MRGBP: variants seen among roughly 807,000 people sequenced by gnomAD.
MRGBP encodes MRG/MORF4L-binding protein.
In MRGBP, 5 loss-of-function variants were observed where a neutral mutation model predicts 21.5. That is an observed-to-expected ratio of 0.23 (90% CI 0.12 to 0.49). The LOEUF is 0.49. Ranked by LOEUF, MRGBP falls within the 20% of genes least tolerant of loss-of-function variation. The pLI, the probability that MRGBP is intolerant of heterozygous loss-of-function variation, is 0.98. For synonymous variants in MRGBP, 118 were observed against 104.4 expected, an observed-to-expected ratio of 1.13 and a Z score of -0.79; for missense variants, 227 against 277.4, an observed-to-expected ratio of 0.82 and a Z score of 1.29.
Position 62,800,413 on chromosome 20 carries a change from T to C in MRGBP, c.*770T>C, listed in dbSNP as rs2147176638. ...AGAGATACTTTTTGCTCAGTTTTTA[T>C]ATGCCAGATACAGAGAATTTGTAGC... On this transcript the variant is annotated 3_prime_UTR_variant, in exon 5 of 5. Coordinates refer to ENST00000370487, the MANE Select transcript of MRGBP (RefSeq NM_018270.6). 6.5e-6 allele frequency: 1 copy of C among 152,686 alleles called. No individual in the cohort carries two copies. Among genetic ancestry groups the C allele is most frequent in the East Asian group, 1.9e-4 (1 of 5,196 alleles). The allele number at this position is 152,686 out of a possible 1,614,324, so 9.5% of individuals were successfully genotyped here. A position where few individuals can be genotyped will look rare whatever the true frequency, so the allele number is the denominator to read the frequency against.
chr20:62,798,735 T>C, intron 3 of MRGBP, 67 bp downstream of exon 3: 1 of 1,592,704 alleles, frequency 6.3e-7, no homozygotes, highest in Non-Finnish European at 8.6e-7. Flanking sequence ...GGCAGGGAGG[T>C]GAGGGTGAGG....
Position 62,799,269 on chromosome 20 carries a change from G to A in MRGBP, c.428-187G>A, listed in dbSNP as rs567503114. ...CTGAGCGGCGGTCCCTGCAGTGCCC[G>A]CCGCAGGCAGGTCCTCAGGAGGACC... is the stretch of plus-strand genomic sequence containing the variant. On this transcript the variant is annotated intron_variant, in intron 4 of 4. Coordinates refer to ENST00000370487, the MANE Select transcript of MRGBP (RefSeq NM_018270.6). Among the ~76,000 whole-genome samples, 10 of 152,282 alleles carry A rather than the reference G, an allele frequency of 6.6e-5. No individual in the cohort carries two copies. The East Asian group carries it at 1.4e-3, about 21-fold the overall frequency.
At chr20:62,797,267 G>A in intron 2 of MRGBP, 36 bp downstream of exon 2, 2 of 1,519,224 alleles carry the variant, frequency 1.3e-6, no homozygotes, top group African/African-American at 1.4e-5. Flanking sequence ...CGCCCGATGG[G>A]GGCACGAACC....
In MRGBP at chr20:62,800,707, C is replaced by T. The variant is rs41308098; in HGVS notation, c.*1064C>T. The T allele has an allele frequency of 6.6e-6, 1 of 152,226 alleles. No homozygotes were observed. Among genetic ancestry groups the T allele is most frequent in the Non-Finnish European group, 1.5e-5 (1 of 68,046 alleles). 9.4% of individuals were successfully genotyped at this position (152,226 alleles called of 1,614,324 possible). A position where few individuals can be genotyped will look rare whatever the true frequency, so the allele number is the denominator to read the frequency against. On this transcript the variant is annotated 3_prime_UTR_variant, in exon 5 of 5. Coordinates refer to ENST00000370487, the MANE Select transcript of MRGBP (RefSeq NM_018270.6). ...TACACTTAGATGACTTATTAACATTCACTTGATACAACATATAAACAAAAT... is the reference window on the plus strand; with the variant it reads ...TACACTTAGATGACTTATTAACATTTACTTGATACAACATATAAACAAAAT...
Position 62,796,618 on chromosome 20 carries a change from GC to G in MRGBP, c.99del (p.Glu34ArgfsTer18). On this transcript the variant is annotated frameshift_variant, in exon 1 of 5. Transcript: ENST00000370487. LOFTEE classifies it high-confidence loss of function. ...CCGGCGGAGGAGACAGTGGTGTGGA[GC>G]CCCGAGGTGGAGGTGTGCCTCTTCC... is the stretch of plus-strand genomic sequence containing the variant. ...TSPAEETVVW[S>X]PEVEVCLFHA... The G allele has an allele frequency of 7.5e-7, 1 of 1,331,616 alleles. No individual in the cohort carries two copies. The highest frequency in any genetic ancestry group is 9.6e-7 in the Non-Finnish European group (1 of 1,037,858). 82.5% of individuals were successfully genotyped at this position (1,331,616 alleles called of 1,614,324 possible).
rs1325817564 is a variant in MRGBP, at chr20:62,800,753, T to G, written c.*1110T>G. 6.6e-6 allele frequency: 1 copy of G among 152,270 alleles called. No individual in the cohort carries two copies. The highest frequency in any genetic ancestry group is 6.5e-5 in the Admixed American group (1 of 15,290). 9.4% of individuals were successfully genotyped at this position (152,270 alleles called of 1,614,324 possible). On this transcript the variant is annotated 3_prime_UTR_variant, in exon 5 of 5. Coordinates refer to ENST00000370487, the MANE Select transcript of MRGBP (RefSeq NM_018270.6). ...AAAATAGTAACAGATTCTGAGTGGT[T>G]ATTTTGTGGACTGTGACAAGCACTT...
chr20:62,801,046 C>T lies in MRGBP; in HGVS notation c.*1403C>T, dbSNP rs1301763272. ...ATCCCTGGCCATCTGTCCCTGAAGTCCTCCTCACCATGACGCAGATCACAA... is the reference window on the plus strand; with the variant it reads ...ATCCCTGGCCATCTGTCCCTGAAGTTCTCCTCACCATGACGCAGATCACAA... On this transcript the variant is annotated 3_prime_UTR_variant, in exon 5 of 5. Coordinates refer to ENST00000370487, the MANE Select transcript of MRGBP (RefSeq NM_018270.6). 1.3e-5 allele frequency: 2 copies of T among 152,292 alleles called. No individual in the cohort carries two copies. The highest frequency in any genetic ancestry group is 4.8e-5 in the African/African-American group (2 of 41,444). 9.4% of individuals were successfully genotyped at this position (152,292 alleles called of 1,614,324 possible).
chr20:62,799,081 C>T lies in MRGBP; in HGVS notation c.427+32C>T, dbSNP rs1434146924. 5 of 1,587,130 alleles carry T rather than the reference C, an allele frequency of 3.2e-6. No homozygotes were observed. The Admixed American group carries it at 7.3e-5, about 23-fold the overall frequency. On this transcript the variant is annotated intron_variant, in intron 4 of 4. Transcript: ENST00000370487. ...GTGGAGCTCACCCTGCCCTGATGCC[C>T]TTTGGGGCTCAGCACCCCAAGACTG...
At chr20:62,799,334 C>G in intron 4 of MRGBP, 122 bp from the exon 5 acceptor site, 1 of 1,145,324 alleles carries the variant, frequency 8.7e-7, no homozygotes, top group Non-Finnish European at 1.2e-6. Context: ...GCTCCCAGCT[C>G]AGGAGGAAGC....
At chr20:62,796,838 C>G (rs1359665924) in intron 1 of MRGBP, among the ~76,000 whole-genome samples, 167 bp downstream of exon 1, 2 of 125,406 alleles carry the variant, frequency 1.6e-5, no homozygotes, top group African/African-American at 5.9e-5. Context: ...ACGCGCCCTT[C>G]GGACCCCGCC....
rs554320509 is a variant in MRGBP, at chr20:62,799,447, G to C, written c.428-9G>C. ...TCTGTTTTCAGCCAAGTGATTTTTC[G>C]TTTCTCAGTTTTTTCATCTTCAGGG... On this transcript the variant is annotated splice_polypyrimidine_tract_variant and intron_variant, in intron 4 of 4. Coordinates refer to ENST00000370487, the MANE Select transcript of MRGBP (RefSeq NM_018270.6). The C allele has an allele frequency of 1.3e-6, 2 of 1,599,472 alleles. No homozygotes were observed. The highest frequency in any genetic ancestry group is 2.2e-5 in the South Asian group (2 of 89,602).
intron 1 of MRGBP, 27 bp from the exon 2 acceptor site, chr20:62,797,083 T>G: frequency 1.4e-6 from 2 of 1,480,482 alleles, no homozygotes; most frequent in Non-Finnish European, 1.8e-6. Context: ...CGCTCACCGG[T>G]TATCCCGCCG....
chr20:62,799,403 A>G, intron 4 of MRGBP, 53 bp from the exon 5 acceptor site: 1 of 1,567,468 alleles, frequency 6.4e-7, no homozygotes, highest in East Asian at 2.3e-5. Context: ...CAGGAAGACA[A>G]AAATAAGATT....
At chr20:62,796,756 C>T in intron 1 of MRGBP, 85 bp downstream of exon 1, 3 of 1,134,496 alleles carry the variant, frequency 2.6e-6, no homozygotes, top group Non-Finnish European at 1.1e-6. Context: ...GACACCCTCG[C>T]CCCCACGCTC....
chr20:62,798,676 T>C lies in MRGBP; in HGVS notation c.352+8T>C. 1.2e-6 allele frequency: 2 copies of C among 1,613,318 alleles called. No individual in the cohort carries two copies. Among genetic ancestry groups the C allele is most frequent in the Non-Finnish European group, 1.7e-6 (2 of 1,179,634 alleles). On this transcript the variant is annotated splice_region_variant and intron_variant, in intron 3 of 4. Coordinates refer to ENST00000370487, the MANE Select transcript of MRGBP (RefSeq NM_018270.6). ...TTCAGGAGGTCCGAGAAGGTGAGGCTCGGGAAAGGTTGGGCTTGGGATTCA... is the reference window on the plus strand; with the variant it reads ...TTCAGGAGGTCCGAGAAGGTGAGGCCCGGGAAAGGTTGGGCTTGGGATTCA...
chr20:62,800,718 A>C lies in MRGBP; in HGVS notation c.*1075A>C, dbSNP rs1488979066. ...GACTTATTAACATTCACTTGATACA[A>C]CATATAAACAAAATAGTAACAGATT... On this transcript the variant is annotated 3_prime_UTR_variant, in exon 5 of 5. Coordinates refer to ENST00000370487, the MANE Select transcript of MRGBP (RefSeq NM_018270.6). The C allele has an allele frequency of 6.6e-6, 1 of 152,266 alleles. No individual in the cohort carries two copies. The highest frequency in any genetic ancestry group is 1.9e-4 in the East Asian group (1 of 5,208). The allele number at this position is 152,266 out of a possible 1,614,324, so 9.4% of individuals were successfully genotyped here. A position where few individuals can be genotyped will look rare whatever the true frequency, so the allele number is the denominator to read the frequency against.
chr20:62,796,681 C>A lies in MRGBP; in HGVS notation c.148+10C>A. The A allele has an allele frequency of 7.7e-7, 1 of 1,293,752 alleles. No individual in the cohort carries two copies. Among genetic ancestry groups the A allele is most frequent in the Non-Finnish European group, 9.8e-7 (1 of 1,017,708 alleles). 80.1% of individuals were successfully genotyped at this position (1,293,752 alleles called of 1,614,324 possible). A position where few individuals can be genotyped will look rare whatever the true frequency, so the allele number is the denominator to read the frequency against. ...GGCCACAAGCCCGTCGGTGAGCGCC[C>A]AGGCTGCGGACGCGCGTGGGGGCGG... On this transcript the variant is annotated intron_variant, in intron 1 of 4. Coordinates refer to ENST00000370487, the MANE Select transcript of MRGBP (RefSeq NM_018270.6).
chr20:62,798,937 C>A, intron 3 of MRGBP, 38 bp from the exon 4 acceptor site: 1 of 1,612,662 alleles, frequency 6.2e-7, no homozygotes, highest in Non-Finnish European at 8.5e-7. Context: ...CGGCCACCAC[C>A]GTGGGTTTTC....
At position 62,796,541 on chromosome 20, in the gene MRGBP, G is replaced by T; in HGVS notation, c.18G>T (p.Val6=). The change falls in exon 1 of 5, where the codon GTG becomes GTT. Residue 6 remains valine (V), a synonymous_variant. Transcript: ENST00000370487. ...CCGCGGCCATGGGAGAGGCCGAGGT[G>T]GGCGGCGGGGGCGCCGCAGGCGACA... The part of the protein sequence containing the change: MGEAE[V]GGGGAAGDKG... The T allele has an allele frequency of 2.5e-6, 3 of 1,187,098 alleles. No homozygotes were observed. Among genetic ancestry groups the T allele is most frequent in the East Asian group, 3.9e-5 (1 of 25,826 alleles). The allele number at this position is 1,187,098 out of a possible 1,614,324, so 73.5% of individuals were successfully genotyped here. A position where few individuals can be genotyped will look rare whatever the true frequency, so the allele number is the denominator to read the frequency against.
Sources: allele counts gnomAD v4.1 joint callset (sites outside exome capture counted in the v4.1 genomes callset), GRCh38; gene constraint gnomAD v4.1.1; transcripts MANE v1.5; gene names NCBI Gene and HGNC (gene_info 2026-07-23, HGNC 2026-07-21).